The following SMARCC2 variants were observed in gnomAD, a reference collection of about 807,000 sequenced individuals.
SMARCC2 encodes SWI/SNF related BAF chromatin remodeling complex subunit C2.
SMARCC2 carries 15 observed loss-of-function variants against 151.3 expected under a neutral mutation model. That is an observed-to-expected ratio of 0.10 (90% CI 0.07 to 0.15). The LOEUF (loss-of-function observed/expected upper bound fraction) is 0.15. Among genes scored for constraint, SMARCC2 ranks in the 10% least tolerant of loss-of-function variants. The probability of loss-of-function intolerance (pLI) is 1.00; values close to 1 mark genes in which losing one functional copy is unlikely to be tolerated. For synonymous variants in SMARCC2, 590 were observed against 609.5 expected (o/e 0.97, Z 0.47); for missense variants, 1,031 against 1,599.7 (o/e 0.64, Z 6.06).
chr12:56,177,655 C>T (rs189683262), intron 15 of SMARCC2, among the ~76,000 whole-genome samples: 3 of 152,262 alleles, frequency 2.0e-5, no homozygotes, highest in Non-Finnish European at 4.4e-5. Context: ...CAGGAACCAG[C>T]CTGGTAATAG....
intron 16 of SMARCC2, 72 bp from the exon 17 acceptor site, chr12:56,173,921 G>C (rs1441093744): frequency 7.0e-7 from 1 of 1,424,552 alleles, no homozygotes; most frequent in Non-Finnish European, 9.6e-7. Flanking sequence ...GAAAAGTGGG[G>C]GGTAGAAGGG....
chr12:56,186,349 CTTT>C (rs371880557), intron 2 of SMARCC2, 109 bp from the exon 3 acceptor site: 4,253 of 526,518 alleles, frequency 8.1e-3, no homozygotes, highest in East Asian at 0.012. Flanking sequence ...ATTGATCTCC[CTTT>C]TTTTTTTTTT....
intron 28 of SMARCC2, 92 bp downstream of exon 28, chr12:56,164,211 C>T: frequency 2.6e-6 from 3 of 1,168,534 alleles, no homozygotes; most frequent in Non-Finnish European, 3.6e-6. Flanking sequence ...TGTGGAAACT[C>T]TAATACCTGA....
intron 16 of SMARCC2, among the ~76,000 whole-genome samples, chr12:56,174,332 G>A (rs188711545): frequency 2.9e-4 from 44 of 152,154 alleles, no homozygotes; most frequent in African/African-American, 9.6e-4. Context: ...GGCTGGTCTC[G>A]AACTTCTGGG....
rs147115988 is a variant in SMARCC2 at position 56,175,435 on chromosome 12, G to A, written c.1383-671C>T. Among the ~76,000 whole-genome samples, 140 of 152,334 alleles carry A rather than the reference G, an allele frequency of 9.2e-4. 1 individual carries two copies. In the East Asian group the frequency reaches 0.019, roughly 21 times the overall value. ...CAGCATACCACGGTAAAAAACATAT[G>A]TTTTGAAGTTGAAAAGATCTAAGTT... On this transcript the variant is annotated intron_variant, in intron 15 of 28. Transcript: ENST00000550164.
At chr12:56,172,385 TTC>T in intron 20 of SMARCC2, 41 bp downstream of exon 20, 1 of 1,515,036 alleles carries the variant, frequency 6.6e-7, no homozygotes, top group South Asian at 1.3e-5. Flanking sequence ...CGGAGCCCAC[TTC>T]TGTTTTCAGA....
In SMARCC2 at chr12:56,186,239, A is replaced by G; in HGVS notation, c.233T>C (p.Ile78Thr). The G allele has an allele frequency of 6.3e-7, 1 of 1,597,158 alleles. No homozygotes were observed. Among genetic ancestry groups the G allele is most frequent in the Non-Finnish European group, 8.6e-7 (1 of 1,164,652 alleles). Residue 78 changes from isoleucine to threonine, a missense_variant and splice_region_variant, in exon 3 of 29, where the codon ATC becomes ACC. Transcript: ENST00000550164. Reference protein sequence around the residue: ...VSNAPLTKLPIKCFLDFKAGG... With the variant: ...VSNAPLTKLPTKCFLDFKAGG... ...CGCTTTGAAATCTAGGAAACATTTG[A>G]TCTACAAAATCAAGATACGGAAAAA... is the stretch of plus-strand genomic sequence containing the variant.
In SMARCC2 at chr12:56,172,080, T is replaced by C. The variant is rs1165276098; in HGVS notation, c.1927-143A>G. The C allele has an allele frequency of 1.5e-5, 10 of 686,820 alleles. No homozygotes were observed. The East Asian group carries it at 2.2e-4, about 15-fold the overall frequency. 42.5% of individuals were successfully genotyped at this position (686,820 alleles called of 1,614,324 possible). On this transcript the variant is annotated intron_variant, in intron 20 of 28. Transcript: ENST00000550164. ...TACTCTGCTAGGTCCAAGGGGGATC[T>C]TGAAGTAGCACTAAGAAAGGATATG... is the stretch of plus-strand genomic sequence containing the variant.
intron 11 of SMARCC2, 103 bp from the exon 12 acceptor site, chr12:56,179,159 T>A: frequency 1.1e-6 from 1 of 939,378 alleles, no homozygotes; most frequent in Non-Finnish European, 1.7e-6. Context: ...TGTCTCCACC[T>A]GATTGCAAAA....
In SMARCC2 at chr12:56,178,926, C is replaced by T. The variant is rs947215756; in HGVS notation, c.1141+71G>A. ...CCCTACCAAAAGCCCATCAGGCTAG[C>T]GAAAAGGGGGCAGCTGAGCCCTCCC... On this transcript the variant is annotated intron_variant, in intron 12 of 28. Transcript: ENST00000550164. 6.6e-5 allele frequency: 106 copies of T among 1,602,520 alleles called. No individual in the cohort carries two copies. The Middle Eastern group carries it at 6.7e-4, about 10-fold the overall frequency.
At chr12:56,175,756 TA>T (rs1874827282) in intron 15 of SMARCC2, among the ~76,000 whole-genome samples, 1 of 152,202 alleles carries the variant, frequency 6.6e-6, no homozygotes, top group South Asian at 2.1e-4. Context: ...TATCTACCTC[TA>T]AGGTTGACGT....
intron 11 of SMARCC2, among the ~76,000 whole-genome samples, chr12:56,179,687 TTTTTG>T (rs1410430865): frequency 6.6e-6 from 1 of 152,194 alleles, no homozygotes; most frequent in African/African-American, 2.4e-5. Context: ...CTCTTCATGT[TTTTTG>T]TTTTGTTTTT....
intron 25 of SMARCC2, among the ~76,000 whole-genome samples, chr12:56,168,805 C>A (rs1423168412): frequency 2.0e-5 from 3 of 152,072 alleles, no homozygotes; most frequent in Non-Finnish European, 4.4e-5. Context: ...CAGGGTGAAA[C>A]CCCATCTCTG....
intron 25 of SMARCC2, among the ~76,000 whole-genome samples, chr12:56,168,448 C>T (rs1453047106): frequency 6.6e-6 from 1 of 151,556 alleles, no homozygotes; most frequent in Non-Finnish European, 1.5e-5. Flanking sequence ...GATCTCAGCT[C>T]ACTGTAACCT....
At chr12:56,178,238 G>C in intron 14 of SMARCC2, 145 bp from the exon 15 acceptor site, 3 of 937,282 alleles carry the variant, frequency 3.2e-6, no homozygotes, top group Non-Finnish European at 1.7e-6. Context: ...CCCACAGGCT[G>C]TAAGACTCAA....
At chr12:56,184,669 T>C (rs1247073094) in intron 5 of SMARCC2, 175 bp downstream of exon 5, 5 of 596,072 alleles carry the variant, frequency 8.4e-6, no homozygotes, top group Non-Finnish European at 1.5e-5. Flanking sequence ...GACTGAAAAA[T>C]GGGAGAAGCA....
At chr12:56,179,418 C>T (rs1242155318) in intron 11 of SMARCC2, among the ~76,000 whole-genome samples, 12 of 152,046 alleles carry the variant, frequency 7.9e-5, no homozygotes, top group African/African-American at 2.9e-4. Flanking sequence ...AGGATACTTT[C>T]CTCAACTGAA....
At position 56,177,978 on chromosome 12, in the gene SMARCC2, G is replaced by C. The variant is rs772791950; in HGVS notation, c.1382+44C>G. 4.6e-6 allele frequency: 6 copies of C among 1,302,246 alleles called. 1 individual carries two copies. In the South Asian group the frequency reaches 4.9e-5, roughly 11 times the overall value. 80.7% of individuals were successfully genotyped at this position (1,302,246 alleles called of 1,614,324 possible). ...TACTGGATCAGGAAGGGTGAATGTGGGGACAGGAGGGAGAAGGAGAATCAT... is the reference window on the plus strand; with the variant it reads ...TACTGGATCAGGAAGGGTGAATGTGCGGACAGGAGGGAGAAGGAGAATCAT... On this transcript the variant is annotated intron_variant, in intron 15 of 28. Transcript: ENST00000550164.
At position 56,171,711 on chromosome 12, in the gene SMARCC2, CG is replaced by C; in HGVS notation, c.2152del (p.Arg718GlufsTer11). The C allele has an allele frequency of 6.3e-7, 1 of 1,575,660 alleles. No individual in the cohort carries two copies. The highest frequency in any genetic ancestry group is 8.6e-7 in the Non-Finnish European group (1 of 1,160,050). ...TGACTTTGCAGCAGCAGAGGCGACT[CG>C]GGGATCGACGACAGAGGCCAGGAAG... is the stretch of plus-strand genomic sequence containing the variant. ...VAFLASVVDP[R>X]VASAAAKSAL... On this transcript the variant is annotated frameshift_variant, in exon 21 of 29. Coordinates refer to ENST00000550164, the MANE Select transcript of SMARCC2 (RefSeq NM_001330288.2). LOFTEE classifies it high-confidence loss of function. This position sits in a 1 kb window ranked among gnomAD's most constrained non-coding sequence, Gnocchi z 4.2.
Sources: gnomAD v4.1 joint callset for allele counts (sites outside exome capture counted in the v4.1 genomes callset) on GRCh38, gnomAD v4.1.1 for gene constraint, Gnocchi (gnomAD v3.1) non-coding constraint, MANE v1.5 for transcripts, NCBI Gene and HGNC (gene_info 2026-07-23, HGNC 2026-07-21) for gene names.